Variants in PABPC4L observed in about 807,000 individuals in gnomAD.
PABPC4L encodes polyadenylate-binding protein 4-like.
For synonymous variants in PABPC4L, 169 were observed against 164.1 expected, an observed-to-expected ratio of 1.03 and a Z score of -0.23; for missense variants, 452 against 451.4, an observed-to-expected ratio of 1.00 and a Z score of -0.01.
At chr4:134,071,794 T>C in the PABPC4L span, among the ~76,000 whole-genome samples, 1 of 152,122 alleles carries the variant, frequency 6.6e-6, no homozygotes, top group African/African-American at 2.4e-5. Context: ...TTTAGAAAAA[T>C]CTTGTAGAAA....
chr4:134,110,486 A>T, the PABPC4L span, among the ~76,000 whole-genome samples: 1 of 151,926 alleles, frequency 6.6e-6, no homozygotes, highest in African/African-American at 2.4e-5. Context: ...GAAAGTAACC[A>T]TTAATAAAAT....
At chr4:134,032,650 C>T in the PABPC4L span, among the ~76,000 whole-genome samples, 1 of 151,654 alleles carries the variant, frequency 6.6e-6, no homozygotes, top group African/African-American at 2.4e-5. Context: ...GAAGATAAGG[C>T]CTGGTATGCT....
chr4:134,014,125 C>T, the PABPC4L span, among the ~76,000 whole-genome samples: 3 of 152,124 alleles, frequency 2.0e-5, no homozygotes, highest in South Asian at 4.1e-4. Context: ...CACTTTACAG[C>T]TCTAGACCCT....
the PABPC4L span, among the ~76,000 whole-genome samples, chr4:134,036,591 G>T: frequency 6.6e-6 from 1 of 151,888 alleles, no homozygotes; most frequent in Non-Finnish European, 1.5e-5. Flanking sequence ...ATATATCTAG[G>T]TTTTAATCTC....
the PABPC4L span, among the ~76,000 whole-genome samples, chr4:134,045,682 T>C: frequency 1.3e-5 from 2 of 152,138 alleles, no homozygotes; most frequent in African/African-American, 4.8e-5. Context: ...TGAGAGCCCA[T>C]GATCCTGCAA....
chr4:134,037,793 T>A, the PABPC4L span, among the ~76,000 whole-genome samples: 1 of 152,132 alleles, frequency 6.6e-6, no homozygotes, highest in East Asian at 1.9e-4. Flanking sequence ...CTTCCTCTTT[T>A]CCTAATTAAA....
At chr4:134,091,498 A>G in the PABPC4L span, among the ~76,000 whole-genome samples, 1 of 151,996 alleles carries the variant, frequency 6.6e-6, no homozygotes, top group African/African-American at 2.4e-5. Context: ...AAACTGAAAT[A>G]GATCTATTTC....
At chr4:133,988,164 G>C in the PABPC4L span, among the ~76,000 whole-genome samples, 1 of 152,142 alleles carries the variant, frequency 6.6e-6, no homozygotes, top group African/African-American at 2.4e-5. Flanking sequence ...TGGAGACACA[G>C]CCAAACCATA....
At chr4:133,966,079 G>A in the PABPC4L span, among the ~76,000 whole-genome samples, 44,762 of 151,982 alleles carry the variant, frequency 0.29, 9,919 homozygotes, top group African/African-American at 0.59. Context: ...TCTAACAAAG[G>A]TCTAATATTC....
At chr4:134,105,502 C>T in the PABPC4L span, among the ~76,000 whole-genome samples, 3 of 151,582 alleles carry the variant, frequency 2.0e-5, no homozygotes, top group African/African-American at 7.3e-5. Context: ...ATTGCTGATT[C>T]TAAGGATGCC....
the PABPC4L span, among the ~76,000 whole-genome samples, chr4:134,000,223 T>C: frequency 2.6e-5 from 4 of 152,138 alleles, no homozygotes; most frequent in African/African-American, 7.2e-5. Flanking sequence ...TGACCCATCA[T>C]AGTACATGGC....
the PABPC4L span, among the ~76,000 whole-genome samples, chr4:133,981,993 T>C: frequency 6.6e-6 from 1 of 151,958 alleles, no homozygotes; most frequent in African/African-American, 2.4e-5. Context: ...AGTTACTGTA[T>C]AGGGACATAA....
chr4:133,997,135 A>G, the PABPC4L span, among the ~76,000 whole-genome samples: 1 of 152,140 alleles, frequency 6.6e-6, no homozygotes, highest in South Asian at 2.1e-4. Flanking sequence ...TACCTGAGAC[A>G]CCATACTGAA....
At chr4:134,021,276 A>T in the PABPC4L span, among the ~76,000 whole-genome samples, 1 of 152,186 alleles carries the variant, frequency 6.6e-6, no homozygotes, top group African/African-American at 2.4e-5. Context: ...AACCATCAAA[A>T]GAGCAACTGG....
chr4:133,957,635 C>T, the PABPC4L span, among the ~76,000 whole-genome samples: 1 of 152,292 alleles, frequency 6.6e-6, no homozygotes, highest in Non-Finnish European at 1.5e-5. Context: ...TTCTGCACTG[C>T]CCCAGCAGAG....
chr4:133,992,273 A>G, the PABPC4L span, among the ~76,000 whole-genome samples: 2 of 152,066 alleles, frequency 1.3e-5, no homozygotes, highest in African/African-American at 4.8e-5. Context: ...CCTGTGGTAG[A>G]CCTCTCAGCC....
At chr4:133,958,046 C>T in the PABPC4L span, among the ~76,000 whole-genome samples, 1 of 152,190 alleles carries the variant, frequency 6.6e-6, no homozygotes, top group Non-Finnish European at 1.5e-5. Flanking sequence ...TAATATTTGG[C>T]TCCTCATTAC....
chr4:134,047,371 T>G, the PABPC4L span, among the ~76,000 whole-genome samples: 1 of 152,044 alleles, frequency 6.6e-6, no homozygotes. Flanking sequence ...AGAGTGCAAA[T>G]AATACAAAAA....
chr4:134,014,592 C>T, the PABPC4L span, among the ~76,000 whole-genome samples: 4 of 152,050 alleles, frequency 2.6e-5, no homozygotes, highest in African/African-American at 9.7e-5. Context: ...GGAACTCTGG[C>T]CCAAGGCTCT....
Sources: gnomAD v4.1 joint callset for allele counts (sites outside exome capture counted in the v4.1 genomes callset) on GRCh38, gnomAD v4.1.1 for gene constraint, MANE v1.5 for transcripts, NCBI Gene and HGNC (gene_info 2026-07-23, HGNC 2026-07-21) for gene names.